PLCG2: variants seen among roughly 807,000 people sequenced by gnomAD.
PLCG2 encodes the protein phospholipase C gamma 2, also known as 1-phosphatidylinositol 4,5-bisphosphate phosphodiesterase gamma-2.
In PLCG2, 69 loss-of-function variants were observed where a neutral mutation model predicts 175.6. The observed-to-expected ratio is 0.39, with a 90% CI of 0.32 to 0.48. PLCG2 has a LOEUF of 0.48. Among genes scored for constraint, PLCG2 ranks in the 20% least tolerant of loss-of-function variants. The probability of loss-of-function intolerance (pLI) is 0.91; values close to 1 mark genes in which losing one functional copy is unlikely to be tolerated. For synonymous variants in PLCG2, 827 were observed against 624.0 expected (o/e 1.33, Z -4.85); for missense variants, 1,798 against 1,650.9 (o/e 1.09, Z -1.54).
chr16:81,869,164 T>C, intron 5 of PLCG2, 50 bp from the exon 6 acceptor site: 1 of 1,383,262 alleles, frequency 7.2e-7, no homozygotes. Flanking sequence ...CTAAATCCTG[T>C]GCTGTTGAAA....
chr16:81,920,694 G>A (rs774883875), intron 20 of PLCG2, among the ~76,000 whole-genome samples: 2 of 152,128 alleles, frequency 1.3e-5, no homozygotes, highest in Non-Finnish European at 2.9e-5. Flanking sequence ...ACAGAGAGGT[G>A]GTGGGGGTGG....
chr16:81,916,377 T>G (rs1045097152), intron 19 of PLCG2, among the ~76,000 whole-genome samples: 1 of 152,098 alleles, frequency 6.6e-6, no homozygotes, highest in Non-Finnish European at 1.5e-5. Flanking sequence ...AAAAAATGCC[T>G]TTTCTTGATT....
Position 81,919,601 on chromosome 16 carries a change from A to G in PLCG2, c.2172A>G (p.Ser724=). The change falls in exon 20 of 33, where the codon TCA becomes TCG. Residue 724 remains serine (S), a synonymous_variant. Coordinates refer to ENST00000564138, the MANE Select transcript of PLCG2 (RefSeq NM_002661.5). ...VELVSYYEKH[S]LYRKMRLRYP... is the part of the protein sequence containing the mutation. Reference sequence around the variant, plus strand: ...TCGTCAGTTACTACGAGAAGCATTCACTCTACCGAAAGATGAGACTGCGCT... The same window carrying G: ...TCGTCAGTTACTACGAGAAGCATTCGCTCTACCGAAAGATGAGACTGCGCT... 6.2e-7 allele frequency: 1 copy of G among 1,613,922 alleles called. No individual in the cohort carries two copies.
chr16:81,751,876 G>A (rs1053129056), intron 1 of PLCG2, among the ~76,000 whole-genome samples: 1 of 151,946 alleles, frequency 6.6e-6, no homozygotes, highest in Admixed American at 6.6e-5. Context: ...ATAAACATTA[G>A]GTGGATATGG....
At chr16:81,809,968 T>G (rs1904303434) in intron 2 of PLCG2, among the ~76,000 whole-genome samples, 1 of 152,096 alleles carries the variant, frequency 6.6e-6, no homozygotes, top group African/African-American at 2.4e-5. Flanking sequence ...CTGCCAGTCT[T>G]TGTCTGCCAC....
At chr16:81,956,974 G>A (rs556581446) in intron 32 of PLCG2, 95 bp downstream of exon 32, 2 of 1,094,270 alleles carry the variant, frequency 1.8e-6, no homozygotes, top group African/African-American at 1.6e-5. Flanking sequence ...AGCCCTCTGA[G>A]TTGCTTTCTT....
At chr16:81,883,194 A>C in intron 8 of PLCG2, 75 bp from the exon 9 acceptor site, 1 of 1,342,024 alleles carries the variant, frequency 7.5e-7, no homozygotes, top group South Asian at 1.2e-5. Flanking sequence ...AGGCTGCCCC[A>C]TTGGCTGGCA....
intron 18 of PLCG2, among the ~76,000 whole-genome samples, chr16:81,911,647 G>T (rs1597126613): frequency 6.6e-6 from 1 of 151,850 alleles, no homozygotes; most frequent in South Asian, 2.1e-4. Flanking sequence ...GTCTCGCTCT[G>T]TCTCCCAGGC....
chr16:81,894,933 G>A (rs557934845), intron 12 of PLCG2, among the ~76,000 whole-genome samples: 1 of 152,118 alleles, frequency 6.6e-6, no homozygotes, highest in East Asian at 1.9e-4. Context: ...ACTGACTTAG[G>A]CTCCAGTGTT....
At position 81,786,050 on chromosome 16, in the gene PLCG2, G is replaced by A. The variant is rs1248111391; in HGVS notation, c.61G>A (p.Ala21Thr). The A allele has an allele frequency of 6.2e-7, 1 of 1,614,232 alleles. No individual in the cohort carries two copies. Among genetic ancestry groups the A allele is most frequent in the Non-Finnish European group, 8.5e-7 (1 of 1,180,042 alleles). Residue 21 changes from alanine to threonine, a missense_variant, in exon 2 of 33, where the codon GCC becomes ACC. Coordinates refer to ENST00000564138, the MANE Select transcript of PLCG2 (RefSeq NM_002661.5). ...AEYEKSQIKR[A>T]LELGTVMTVF... Reference sequence around the variant, plus strand: ...ATATGAGAAGAGCCAGATCAAGAGAGCCCTGGAGCTGGGGACGGTGATGAC... The same window carrying A: ...ATATGAGAAGAGCCAGATCAAGAGAACCCTGGAGCTGGGGACGGTGATGAC...
At chr16:81,790,558 C>T (rs996389664) in intron 2 of PLCG2, among the ~76,000 whole-genome samples, 8 of 152,300 alleles carry the variant, frequency 5.3e-5, no homozygotes, top group South Asian at 4.1e-4. Flanking sequence ...AATTTCCTCA[C>T]GGGGTTCTGG....
At chr16:81,883,136 A>C in intron 8 of PLCG2, 133 bp from the exon 9 acceptor site, 1 of 721,440 alleles carries the variant, frequency 1.4e-6, no homozygotes, top group East Asian at 2.6e-5. Flanking sequence ...CTGTTGGCCA[A>C]CCTGGTACCT....
intron 2 of PLCG2, among the ~76,000 whole-genome samples, chr16:81,800,220 T>C (rs969984519): frequency 1.3e-5 from 2 of 152,216 alleles, no homozygotes; most frequent in African/African-American, 4.8e-5. Context: ...AATTTACTTT[T>C]ATTGTAAGTT....
At chr16:81,907,320 T>C (rs1033797454) in intron 15 of PLCG2, among the ~76,000 whole-genome samples, 3 of 149,314 alleles carry the variant, frequency 2.0e-5, no homozygotes, top group South Asian at 2.1e-4. Context: ...AAAAAAGAAG[T>C]CATTAAGCCA....
chr16:81,918,585 C>G (rs1909936704), intron 19 of PLCG2, among the ~76,000 whole-genome samples: 1 of 152,154 alleles, frequency 6.6e-6, no homozygotes, highest in Admixed American at 6.5e-5. Context: ...TCTTGGCTAT[C>G]TATTCTGTTC....
At chr16:81,891,250 A>G (rs1240948694) in intron 10 of PLCG2, among the ~76,000 whole-genome samples, 2 of 152,222 alleles carry the variant, frequency 1.3e-5, no homozygotes, top group Admixed American at 1.3e-4. Flanking sequence ...TAAACATTAC[A>G]AAGGAAAATA....
chr16:81,838,925 G>A (rs974377108), intron 2 of PLCG2, among the ~76,000 whole-genome samples: 4 of 151,804 alleles, frequency 2.6e-5, no homozygotes, highest in African/African-American at 9.7e-5. Context: ...CCTCTCTTTA[G>A]GTGACACCAC....
intron 31 of PLCG2, among the ~76,000 whole-genome samples, chr16:81,950,159 T>C (rs1261895029): frequency 6.6e-6 from 1 of 152,172 alleles, no homozygotes; most frequent in Non-Finnish European, 1.5e-5. Context: ...ATTTGGTGAA[T>C]AGGCTGAATC....
chr16:81,767,278 G>A (rs1166606331), intron 2 of PLCG2, among the ~76,000 whole-genome samples: 1 of 151,402 alleles, frequency 6.6e-6, no homozygotes, highest in African/African-American at 2.4e-5. Flanking sequence ...CCGAATAGCT[G>A]GGGTTACGGG....
Sources: allele counts gnomAD v4.1 joint callset (sites outside exome capture counted in the v4.1 genomes callset), GRCh38; gene constraint gnomAD v4.1.1; transcripts MANE v1.5; gene names NCBI Gene and HGNC (gene_info 2026-07-23, HGNC 2026-07-21).